ZNF385B: variants seen among roughly 807,000 people sequenced by gnomAD.
ZNF385B encodes the protein zinc finger protein 533.
A neutral mutation model predicts 39.2 loss-of-function variants in ZNF385B; 23 were observed. That is an observed-to-expected ratio of 0.59 (90% confidence interval 0.42 to 0.83). The LOEUF (loss-of-function observed/expected upper bound fraction) is 0.83, where lower values mean the gene tolerates loss of function less well. Ranked by LOEUF, ZNF385B falls within the 40% of genes least tolerant of loss-of-function variation. The pLI, the probability that ZNF385B is intolerant of heterozygous loss-of-function variation, is 0.00. For synonymous variants in ZNF385B, 205 were observed against 222.6 expected, an observed-to-expected ratio of 0.92 and a Z score of 0.70; for missense variants, 552 against 598.9, an observed-to-expected ratio of 0.92 and a Z score of 0.82.
chr2:179,564,656 C>T (rs764009246), intron 3 of ZNF385B, among the ~76,000 whole-genome samples: 9 of 152,118 alleles, frequency 5.9e-5, no homozygotes, highest in Non-Finnish European at 1.0e-4. Flanking sequence ...ATGATTTCTC[C>T]AGCAAAATAA....
intron 3 of ZNF385B, among the ~76,000 whole-genome samples, chr2:179,762,995 C>G (rs1034734049): frequency 6.6e-6 from 1 of 152,188 alleles, no homozygotes; most frequent in Non-Finnish European, 1.5e-5. Flanking sequence ...ACCTGTGCCT[C>G]CTGGGTTCCA....
intron 3 of ZNF385B, among the ~76,000 whole-genome samples, chr2:179,752,295 T>C (rs1356937003): frequency 6.6e-6 from 1 of 152,228 alleles, no homozygotes; most frequent in Admixed American, 6.5e-5. Context: ...TAGTATTCCA[T>C]GGTGTATATA....
At chr2:179,471,594 T>C (rs1450299345) in intron 6 of ZNF385B, among the ~76,000 whole-genome samples, 2 of 152,238 alleles carry the variant, frequency 1.3e-5, no homozygotes, top group African/African-American at 4.8e-5. Flanking sequence ...ACAGTTGTCA[T>C]AGAATGCTTG....
At chr2:179,482,165 T>C (rs1217320272) in intron 6 of ZNF385B, among the ~76,000 whole-genome samples, 1 of 152,190 alleles carries the variant, frequency 6.6e-6, no homozygotes, top group African/African-American at 2.4e-5. Flanking sequence ...CCTTTTTCCA[T>C]AGTCTCTTTG....
At chr2:179,513,827 GTA>G (rs888481126) in intron 5 of ZNF385B, among the ~76,000 whole-genome samples, 17 of 152,280 alleles carry the variant, frequency 1.1e-4, no homozygotes, top group African/African-American at 4.1e-4. Flanking sequence ...TAGGAAATGA[GTA>G]AAGTTTTGTG....
Position 179,556,611 on chromosome 2 carries a change from C to T in ZNF385B, c.299-11642G>A, listed in dbSNP as rs770313875. ...TACTAAAATTGTCTGAGGTCGAGAACGGATTGGGAGGTCACAGCGCCTGAT... is the reference window on the plus strand; with the variant it reads ...TACTAAAATTGTCTGAGGTCGAGAATGGATTGGGAGGTCACAGCGCCTGAT... On this transcript the variant is annotated intron_variant, in intron 3 of 9. Transcript: ENST00000410066. 5.3e-5 allele frequency among the ~76,000 whole-genome samples: 8 copies of T among 149,556 alleles called. 1 individual carries two copies. Among genetic ancestry groups the T allele is most frequent in the East Asian group, 1.9e-4 (1 of 5,160 alleles).
chr2:179,445,465 C>A, intron 8 of ZNF385B, 85 bp downstream of exon 8: 1 of 1,365,506 alleles, frequency 7.3e-7, no homozygotes, highest in South Asian at 1.4e-5. Context: ...ACTGTGAGCA[C>A]AGTAAAAACC....
chr2:179,552,955 C>A lies in ZNF385B; in HGVS notation c.299-7986G>T, dbSNP rs2060670803. Among the ~76,000 whole-genome samples the A allele has an allele frequency of 2.7e-5, 4 of 149,064 alleles. 1 individual carries two copies. The highest frequency in any genetic ancestry group is 1.0e-4 in the African/African-American group (4 of 39,478). On this transcript the variant is annotated intron_variant, in intron 3 of 9. Transcript: ENST00000410066. ...TGCAATCTGATTAACAAGGTATTAG[C>A]CCCATTTTACAGATGAGAAACTGAG...
Position 179,447,412 on chromosome 2 carries a change from TA to T in ZNF385B, c.716-643del, listed in dbSNP as rs375225027. The stretch of plus-strand genomic sequence containing the variant: ...AAGTTTTAAATAATGACATTAACCA[TA>T]AGCACAATATGAAGATTAGCCAAGT... On this transcript the variant is annotated intron_variant, in intron 6 of 9. Transcript: ENST00000410066. Among the ~76,000 whole-genome samples, 17 of 152,306 alleles carry T rather than the reference TA, an allele frequency of 1.1e-4. 1 individual carries two copies. The East Asian group carries it at 1.9e-3, about 17-fold the overall frequency.
At chr2:179,732,086 A>T (rs1440291669) in intron 3 of ZNF385B, among the ~76,000 whole-genome samples, 2 of 152,228 alleles carry the variant, frequency 1.3e-5, no homozygotes, top group Non-Finnish European at 1.5e-5. Context: ...TTGAGGTTAT[A>T]GTCTCTGAAC....
intron 1 of ZNF385B, among the ~76,000 whole-genome samples, chr2:179,836,797 C>T (rs56152328): frequency 0.32 from 49,125 of 151,834 alleles, 8,211 homozygotes; most frequent in Admixed American, 0.44. Flanking sequence ...GGATTACAGG[C>T]GTGAGCCACC....
intron 3 of ZNF385B, among the ~76,000 whole-genome samples, chr2:179,723,264 A>C (rs566295329): frequency 6.6e-6 from 1 of 152,210 alleles, no homozygotes; most frequent in African/African-American, 2.4e-5. Context: ...CACATCTCTT[A>C]AACCTGAAAC....
chr2:179,570,909 G>A (rs537527961), intron 3 of ZNF385B, among the ~76,000 whole-genome samples: 3 of 152,252 alleles, frequency 2.0e-5, no homozygotes, highest in South Asian at 2.1e-4. Context: ...CAGGCAAACC[G>A]AATATCTTTT....
chr2:179,828,700 T>C (rs1014469471), intron 1 of ZNF385B, among the ~76,000 whole-genome samples: 12 of 152,194 alleles, frequency 7.9e-5, no homozygotes, highest in Admixed American at 7.2e-4. Context: ...TCAAGAACTT[T>C]AAAATCTTTT....
At chr2:179,722,845 G>A (rs1462208) in intron 3 of ZNF385B, among the ~76,000 whole-genome samples, 48,281 of 151,852 alleles carry the variant, frequency 0.32, 8,041 homozygotes, top group East Asian at 0.5. Flanking sequence ...TCTACTATAT[G>A]ACTACTACAA....
chr2:179,697,406 A>G (rs892564065), intron 3 of ZNF385B, among the ~76,000 whole-genome samples: 3 of 152,172 alleles, frequency 2.0e-5, no homozygotes, highest in Non-Finnish European at 4.4e-5. Context: ...GCTGTCATGC[A>G]CTTCTCCTTC....
chr2:179,626,817 A>G (rs1439480856), intron 3 of ZNF385B, among the ~76,000 whole-genome samples: 1 of 152,162 alleles, frequency 6.6e-6, no homozygotes, highest in Non-Finnish European at 1.5e-5. Flanking sequence ...CAACTTAAAG[A>G]ATTTGGGAAG....
chr2:179,708,250 T>C (rs1276251631), intron 3 of ZNF385B, among the ~76,000 whole-genome samples: 2 of 152,168 alleles, frequency 1.3e-5, no homozygotes, highest in Non-Finnish European at 2.9e-5. Context: ...GTTCTCTTGA[T>C]AGTGAGTGTT....
intron 3 of ZNF385B, among the ~76,000 whole-genome samples, chr2:179,739,886 C>T (rs17773255): frequency 0.091 from 13,897 of 152,074 alleles, 713 homozygotes; most frequent in Non-Finnish European, 0.11. Flanking sequence ...TCATTGCTTA[C>T]CTTACTAAAT....
Sources: gnomAD v4.1 joint callset for allele counts (sites outside exome capture counted in the v4.1 genomes callset) on GRCh38, gnomAD v4.1.1 for gene constraint, MANE v1.5 for transcripts, NCBI Gene and HGNC (gene_info 2026-07-23, HGNC 2026-07-21) for gene names.